GRM5: variants seen among roughly 807,000 people sequenced by gnomAD.
The protein encoded by GRM5 is metabotropic glutamate receptor 5.
GRM5 carries 19 observed loss-of-function variants against 83.1 expected under a neutral mutation model. The ratio of observed to expected loss-of-function variants is 0.23; its 90% confidence interval spans 0.16 to 0.34. The LOEUF is 0.34. Ranked by LOEUF, GRM5 falls within the 10% of genes least tolerant of loss-of-function variation. GRM5 has a pLI of 1.00. For missense variants in GRM5, 1,160 were observed against 1,588.3 expected, an observed-to-expected ratio of 0.73 and a Z score of 4.58; for synonymous variants, 675 against 633.6, an observed-to-expected ratio of 1.07 and a Z score of -0.98.
chr11:88,636,381 A>G (rs1939120726), intron 4 of GRM5, among the ~76,000 whole-genome samples: 1 of 152,140 alleles, frequency 6.6e-6, no homozygotes, highest in African/African-American at 2.4e-5. Context: ...GCTTGGTGGT[A>G]TGCTCCTGTA....
At chr11:89,023,276 T>A (rs1941035609) in intron 2 of GRM5, among the ~76,000 whole-genome samples, 2 of 152,088 alleles carry the variant, frequency 1.3e-5, no homozygotes, top group South Asian at 4.1e-4. Flanking sequence ...CTTTCTTTTG[T>A]CTCTGCTTTC....
In GRM5 at chr11:88,506,334, A is replaced by C. The variant is rs956535817; in HGVS notation, c.*2258T>G. 4 of 152,338 alleles carry C rather than the reference A, an allele frequency of 2.6e-5. No homozygotes were observed. In the South Asian group the frequency reaches 8.3e-4, roughly 32 times the overall value. 9.4% of individuals were successfully genotyped at this position (152,338 alleles called of 1,614,324 possible). A position where few individuals can be genotyped will look rare whatever the true frequency, so the allele number is the denominator to read the frequency against. ...TGTACTTGAGAATAAAATGAAAATC[A>C]ACATAAGGATTTTATAAAACAAATT... On this transcript the variant is annotated 3_prime_UTR_variant, in exon 10 of 10. Coordinates refer to ENST00000305447, the MANE Select transcript of GRM5 (RefSeq NM_001143831.3).
chr11:88,522,603 C>CTCTCTG (rs1206475339), intron 9 of GRM5, among the ~76,000 whole-genome samples: 2,058 of 127,320 alleles, frequency 0.016, 33 homozygotes, highest in South Asian at 0.031. Context: ...CTCTCTCTCT[C>CTCTCTG]TGTGTGTGTG....
intron 3 of GRM5, among the ~76,000 whole-genome samples, chr11:88,658,278 A>G (rs1232907755): frequency 2.6e-5 from 4 of 152,154 alleles, no homozygotes; most frequent in Admixed American, 6.6e-5. Flanking sequence ...GGAAAAACAG[A>G]TGATAGGGGA....
intron 2 of GRM5, among the ~76,000 whole-genome samples, chr11:89,015,865 C>T (rs1273013329): frequency 4.6e-5 from 7 of 152,148 alleles, no homozygotes; most frequent in African/African-American, 1.7e-4. Context: ...CTACCATTAG[C>T]TAACAATGTG....
At position 88,726,350 on chromosome 11, in the gene GRM5, A is replaced by C. The variant is rs1242959143; in HGVS notation, c.912-72947T>G. ...GACAAGATTAGAGAAAAAAGAATGAAAAGGAACGAACAAAGCCTCCAAGAT... is the reference window on the plus strand; with the variant it reads ...GACAAGATTAGAGAAAAAAGAATGACAAGGAACGAACAAAGCCTCCAAGAT... On this transcript the variant is annotated intron_variant, in intron 3 of 9. Coordinates refer to ENST00000305447, the MANE Select transcript of GRM5 (RefSeq NM_001143831.3). Among the ~76,000 whole-genome samples, 3 of 152,154 alleles carry C rather than the reference A, an allele frequency of 2.0e-5. No individual in the cohort carries two copies. In the East Asian group the frequency reaches 5.8e-4, roughly 29 times the overall value.
intron 6 of GRM5, among the ~76,000 whole-genome samples, chr11:88,595,134 C>T (rs1937763181): frequency 6.6e-6 from 1 of 151,928 alleles, no homozygotes; most frequent in South Asian, 2.1e-4. Context: ...TTTCAATTGA[C>T]ACATAATAAT....
chr11:88,824,822 GAT>G lies in GRM5; in HGVS notation c.911+25082_911+25083del, dbSNP rs1565248843. Reference sequence around the variant, plus strand: ...AATAATTTACCAGTACCTACATATGGATATGTGTGTGTGTGTAGACGGGTATG... The same window carrying G: ...AATAATTTACCAGTACCTACATATGGATGTGTGTGTGTGTAGACGGGTATG... On this transcript the variant is annotated intron_variant, in intron 3 of 9. Transcript: ENST00000305447. Among the ~76,000 whole-genome samples, 13 of 152,100 alleles carry G rather than the reference GAT, an allele frequency of 8.5e-5. No homozygotes were observed. The East Asian group carries it at 2.5e-3, about 29-fold the overall frequency.
At chr11:88,743,948 A>G (rs1942080575) in intron 3 of GRM5, among the ~76,000 whole-genome samples, 1 of 152,184 alleles carries the variant, frequency 6.6e-6, no homozygotes, top group Non-Finnish European at 1.5e-5. Flanking sequence ...AAACATCAAA[A>G]GCAAAATTCA....
intron 4 of GRM5, among the ~76,000 whole-genome samples, chr11:88,651,021 G>A (rs1480323352): frequency 1.3e-5 from 2 of 151,954 alleles, no homozygotes; most frequent in Non-Finnish European, 2.9e-5. Context: ...CCAAGGGGGG[G>A]GATGGACTAA....
chr11:88,975,677 T>C (rs1349395120), intron 2 of GRM5, among the ~76,000 whole-genome samples: 1 of 152,228 alleles, frequency 6.6e-6, no homozygotes. Flanking sequence ...CTTTTAACAT[T>C]ATCCCCAGTT....
chr11:88,849,095 T>A (rs1944346798), intron 3 of GRM5, among the ~76,000 whole-genome samples: 1 of 152,082 alleles, frequency 6.6e-6, no homozygotes, highest in Admixed American at 6.6e-5. Flanking sequence ...TTGGCTCTCT[T>A]GGGTCTTTAA....
chr11:88,638,160 TG>T (rs1190108849), intron 4 of GRM5, among the ~76,000 whole-genome samples: 3 of 69,776 alleles, frequency 4.3e-5, no homozygotes, highest in African/African-American at 6.1e-5. Context: ...TGTGGTGGGG[TG>T]GGGGGAGGGG....
At chr11:88,640,375 C>T (rs1337043372) in intron 4 of GRM5, among the ~76,000 whole-genome samples, 4 of 152,112 alleles carry the variant, frequency 2.6e-5, no homozygotes, top group East Asian at 1.9e-4. Context: ...AGAGTAAAAA[C>T]TTGAACTCTA....
At chr11:88,565,368 C>T (rs1032754383) in intron 8 of GRM5, among the ~76,000 whole-genome samples, 1 of 152,188 alleles carries the variant, frequency 6.6e-6, no homozygotes, top group Admixed American at 6.5e-5. Flanking sequence ...GTTGTTCAAA[C>T]CCAAAACAAT....
chr11:88,570,550 A>ATATATATATATATATATAT (rs1942967013), intron 7 of GRM5, among the ~76,000 whole-genome samples: 1 of 71,960 alleles, frequency 1.4e-5, no homozygotes, highest in Non-Finnish European at 2.5e-5. Flanking sequence ...AAGTATTAAT[A>ATATATATATATATATATAT]ATATATATAT....
At chr11:88,876,757 T>C (rs1254326807) in intron 2 of GRM5, among the ~76,000 whole-genome samples, 2 of 152,012 alleles carry the variant, frequency 1.3e-5, no homozygotes, top group East Asian at 1.9e-4. Flanking sequence ...GAGTGGCCCA[T>C]TGGTGGAGCA....
intron 4 of GRM5, among the ~76,000 whole-genome samples, chr11:88,644,572 T>G (rs1218826576): frequency 1.3e-5 from 2 of 152,188 alleles, no homozygotes; most frequent in African/African-American, 4.8e-5. Flanking sequence ...CTGTAGTTAC[T>G]TCAGCATCTG....
chr11:88,752,880 G>A (rs1001955858), intron 3 of GRM5, among the ~76,000 whole-genome samples: 2 of 152,104 alleles, frequency 1.3e-5, no homozygotes, highest in African/African-American at 2.4e-5. Flanking sequence ...TTAATAAATG[G>A]TGCTCAAAGA....
Sources: gnomAD v4.1 joint callset for allele counts (sites outside exome capture counted in the v4.1 genomes callset) on GRCh38, gnomAD v4.1.1 for gene constraint, MANE v1.5 for transcripts, NCBI Gene and HGNC (gene_info 2026-07-23, HGNC 2026-07-21) for gene names.